The following ELP1 variants were observed in gnomAD, a reference collection of about 807,000 sequenced individuals.
ELP1 encodes elongator complex protein 1.
Under a neutral mutation model 183.2 loss-of-function variants are expected in ELP1, and 131 were observed. The ratio of observed to expected loss-of-function variants is 0.72; its 90% CI spans 0.62 to 0.83. The LOEUF is 0.83. ELP1 is among the 40% of genes least tolerant of loss of function. The probability of loss-of-function intolerance (pLI) is 0.00; values close to 1 mark genes in which losing one functional copy is unlikely to be tolerated. For missense variants in ELP1, 1,550 were observed against 1,594.9 expected, an observed-to-expected ratio of 0.97 and a Z score of 0.48; for synonymous variants, 555 against 569.0, an observed-to-expected ratio of 0.98 and a Z score of 0.35.
chr9:108,871,374 A>G (rs1827453399), intron 36 of ELP1, among the ~76,000 whole-genome samples: 2 of 152,314 alleles, frequency 1.3e-5, no homozygotes, highest in South Asian at 4.1e-4. Flanking sequence ...TCCAGTATCA[A>G]AAGAACTTTA....
rs926177767 is a variant in ELP1, at chr9:108,931,143, G to T, written c.4C>A (p.Arg2=). The change falls in exon 2 of 37, where the codon CGA becomes AGA. Residue 2 remains arginine, a synonymous_variant. Transcript: ENST00000374647. ...AGGGTCCGAAATAATTTCAGATTTC[G>T]CATGATGAAGTGATTCCCACGAGAC... M[R]NLKLFRTLEF... The T allele has an allele frequency of 2.5e-6, 4 of 1,613,980 alleles. No individual in the cohort carries two copies. Among genetic ancestry groups the T allele is most frequent in the Non-Finnish European group, 1.7e-6 (2 of 1,179,874 alleles).
chr9:108,923,964 G>A (rs1354224786), intron 5 of ELP1, among the ~76,000 whole-genome samples: 1 of 152,110 alleles, frequency 6.6e-6, no homozygotes, highest in Non-Finnish European at 1.5e-5. Context: ...ATAAATTATG[G>A]GTCCATATGA....
At chr9:108,904,245 A>ATTTT (rs57450962) in intron 14 of ELP1, among the ~76,000 whole-genome samples, 18 of 132,440 alleles carry the variant, frequency 1.4e-4, no homozygotes, top group East Asian at 8.9e-4. Context: ...AAATTTCACT[A>ATTTT]TTTTTTTTTT....
chr9:108,894,216 AAAC>A, intron 25 of ELP1, 150 bp from the exon 26 acceptor site: 1 of 501,886 alleles, frequency 2.0e-6, no homozygotes, highest in South Asian at 2.8e-5. Context: ...ATATAAAATC[AAAC>A]TACAGTTGTC....
intron 13 of ELP1, 39 bp downstream of exon 13, chr9:108,908,266 G>C: frequency 6.8e-7 from 1 of 1,466,030 alleles, no homozygotes; most frequent in East Asian, 2.3e-5. Context: ...CATGCTGGCT[G>C]ATTCTGTTCC....
chr9:108,914,268 G>A (rs371693310), intron 10 of ELP1, among the ~76,000 whole-genome samples: 7 of 151,486 alleles, frequency 4.6e-5, no homozygotes, highest in South Asian at 2.1e-4. Flanking sequence ...GCTTGGTGGC[G>A]GGCGCCTGTA....
At chr9:108,930,889 G>A (rs1315416967) in intron 2 of ELP1, 108 bp downstream of exon 2, 2 of 1,015,662 alleles carry the variant, frequency 2.0e-6, no homozygotes, top group Admixed American at 1.9e-5. Flanking sequence ...TATTTGGGAG[G>A]ATATAAATTC....
intron 36 of ELP1, among the ~76,000 whole-genome samples, chr9:108,873,912 A>C (rs1270645519): frequency 6.8e-6 from 1 of 147,806 alleles, no homozygotes; most frequent in Non-Finnish European, 1.5e-5. Context: ...GATATGTCGA[A>C]ACTGATACCA....
chr9:108,891,520 A>G, intron 27 of ELP1, 116 bp from the exon 28 acceptor site: 2 of 917,846 alleles, frequency 2.2e-6, no homozygotes, highest in Non-Finnish European at 3.5e-6. Context: ...ATTACCTGGG[A>G]AAATCTTACA....
At chr9:108,888,878 C>A (rs1401527284) in intron 29 of ELP1, among the ~76,000 whole-genome samples, 6 of 152,118 alleles carry the variant, frequency 3.9e-5, no homozygotes, top group Admixed American at 3.3e-4. Flanking sequence ...ATAATACTAC[C>A]AAATGCTCAT....
At chr9:108,923,572 G>C (rs1211289137) in intron 5 of ELP1, among the ~76,000 whole-genome samples, 2 of 152,094 alleles carry the variant, frequency 1.3e-5, no homozygotes, top group Non-Finnish European at 2.9e-5. Context: ...AATATGTCCG[G>C]AACATAAAAC....
At chr9:108,915,045 GA>G (rs1296884649) in intron 10 of ELP1, among the ~76,000 whole-genome samples, 1 of 152,130 alleles carries the variant, frequency 6.6e-6, no homozygotes, top group Non-Finnish European at 1.5e-5. Context: ...AGAACTATGA[GA>G]TTTTTTTCTC....
Position 108,901,460 on chromosome 9 carries a change from C to T in ELP1, c.1979G>A (p.Cys660Tyr). ...FLLLTTHSHT[C>Y]QCFCLRDASF... The stretch of plus-strand genomic sequence containing the variant: ...AGCATCCCTCAGGCAAAAACACTGG[C>T]AGGTATGGGAATGGGTTGTCAACAA... Residue 660 changes from cysteine (C) to tyrosine (Y), a missense_variant, in exon 18 of 37, where the codon TGC (cysteine) becomes TAC (tyrosine). Physicochemically the swap from Cys to Tyr is radical, Grantham distance 194 (BLOSUM62 -2). Transcript: ENST00000374647. 6.2e-7 allele frequency: 1 copy of T among 1,613,878 alleles called. No individual in the cohort carries two copies. The highest frequency in any genetic ancestry group is 8.5e-7 in the Non-Finnish European group (1 of 1,179,784).
Position 108,896,403 on chromosome 9 carries a change from A to G in ELP1, c.2736+93T>C, listed in dbSNP as rs1257898348. 3.5e-6 allele frequency: 4 copies of G among 1,137,198 alleles called. No homozygotes were observed. The East Asian group carries it at 7.3e-5, about 21-fold the overall frequency. The allele number at this position is 1,137,198 out of a possible 1,614,324, so 70.4% of individuals were successfully genotyped here. On this transcript the variant is annotated intron_variant, in intron 25 of 36. Transcript: ENST00000374647. ...TCCAGCCCTGCACTCACAGAGTGAT[A>G]GCAGAAAAGCTACTGCACTACCAGA...
chr9:108,879,606 T>C, intron 32 of ELP1, 49 bp from the exon 33 acceptor site: 1 of 1,347,004 alleles, frequency 7.4e-7, no homozygotes, highest in Non-Finnish European at 1.1e-6. Context: ...TGCTAATGTG[T>C]GGGTTTACTT....
intron 4 of ELP1, 125 bp downstream of exon 4, chr9:108,927,247 A>G (rs1295585532): frequency 1.3e-6 from 1 of 758,906 alleles, no homozygotes; most frequent in Non-Finnish European, 2.4e-6. Flanking sequence ...ATACTGGTTC[A>G]TAATTGGTAT....
At position 108,891,218 on chromosome 9, in the gene ELP1, C is replaced by G. The variant is rs761500263; in HGVS notation, c.3145G>C (p.Gly1049Arg). 7 of 1,614,178 alleles carry G rather than the reference C, an allele frequency of 4.3e-6. No homozygotes were observed. The highest frequency in any genetic ancestry group is 5.1e-6 in the Non-Finnish European group (6 of 1,180,018). Residue 1049 changes from glycine to arginine, a missense_variant, in exon 28 of 37, where the codon GGC becomes CGC. By Grantham distance (125) the Gly-to-Arg change is moderately radical. Coordinates refer to ENST00000374647, the MANE Select transcript of ELP1 (RefSeq NM_003640.5). ...TTGTACTTACCTGCCAGAGTTCTGC[C>G]GAGGCCCACCAGCTGGTCTTTGGTA... ...NFTKDQLVGL[G>R]RTLAGKLVEQ... is the part of the protein sequence containing the mutation.
chr9:108,895,723 C>T lies in ELP1; in HGVS notation c.2736+773G>A, dbSNP rs577527250. 9.2e-5 allele frequency among the ~76,000 whole-genome samples: 14 copies of T among 152,160 alleles called. 1 individual carries two copies. In the South Asian group the frequency reaches 2.9e-3, roughly 32 times the overall value. On this transcript the variant is annotated intron_variant, in intron 25 of 36. Coordinates refer to ENST00000374647, the MANE Select transcript of ELP1 (RefSeq NM_003640.5). ...TTTTGGAGAGGTCATGGGGAAGAGA[C>T]TGAGGCTGCAAAAAAATAAATAAAA...
rs778083125 is a variant in ELP1 at position 108,879,565 on chromosome 9, A to G, written c.3461-8T>C. 60 of 1,594,716 alleles carry G rather than the reference A, an allele frequency of 3.8e-5. No individual in the cohort carries two copies. Among genetic ancestry groups the G allele is most frequent in the Non-Finnish European group, 4.8e-5 (56 of 1,162,546 alleles). ...CGTGGGGTACCTCATCATCTAGAAA[A>G]GAAGAACCAGAAGCCGATGAAAACA... On this transcript the variant is annotated splice_polypyrimidine_tract_variant and splice_region_variant and intron_variant, in intron 32 of 36. Transcript: ENST00000374647.
Sources: allele counts gnomAD v4.1 joint callset (sites outside exome capture counted in the v4.1 genomes callset), GRCh38; gene constraint gnomAD v4.1.1; transcripts MANE v1.5; gene names NCBI Gene and HGNC (gene_info 2026-07-23, HGNC 2026-07-21).